CACNA1C: variants seen among roughly 807,000 people sequenced by gnomAD.
CACNA1C encodes voltage-dependent L-type calcium channel subunit alpha-1C.
In CACNA1C, 30 loss-of-function variants were observed where a neutral mutation model predicts 229.0. The observed-to-expected ratio is 0.13, with a 90% CI of 0.10 to 0.18. CACNA1C has a LOEUF of 0.18. Among genes scored for constraint, CACNA1C ranks in the 10% least tolerant of loss-of-function variants. CACNA1C has a pLI of 1.00. For synonymous variants in CACNA1C, 1,114 were observed against 1,132.5 expected (o/e 0.98, Z 0.33); for missense variants, 1,658 against 2,845.0 (o/e 0.58, Z 9.49).
At chr12:2,600,569 C>G (rs1226242900) in intron 21 of CACNA1C, among the ~76,000 whole-genome samples, 2 of 152,176 alleles carry the variant, frequency 1.3e-5, no homozygotes, top group African/African-American at 4.8e-5. Flanking sequence ...CTGTCACAGC[C>G]CTTATCCTGG....
At chr12:2,546,142 T>C (rs1461356816) in intron 9 of CACNA1C, among the ~76,000 whole-genome samples, 1 of 152,308 alleles carries the variant, frequency 6.6e-6, no homozygotes, top group East Asian at 1.9e-4. Flanking sequence ...CACTCTTCCG[T>C]GCAGTGGCTG....
chr12:2,130,524 A>G (rs1171848765), intron 3 of CACNA1C, among the ~76,000 whole-genome samples: 8 of 124,250 alleles, frequency 6.4e-5, no homozygotes, highest in African/African-American at 9.2e-5. Context: ...TCATTGTTCA[A>G]TTCCCACCTA....
chr12:2,456,573 T>G (rs192047171), intron 4 of CACNA1C, among the ~76,000 whole-genome samples: 137 of 152,210 alleles, frequency 9.0e-4, no homozygotes, highest in Middle Eastern at 3.4e-3. Flanking sequence ...ACCCTGCCCC[T>G]CCCTTGGGCC....
chr12:1,985,495 T>C (rs1195094318), intron 1 of CACNA1C, among the ~76,000 whole-genome samples: 1 of 152,216 alleles, frequency 6.6e-6, no homozygotes, highest in Non-Finnish European at 1.5e-5. Flanking sequence ...ATCTTTCCAT[T>C]CTTTTCAAGA....
intron 1 of CACNA1C, among the ~76,000 whole-genome samples, chr12:2,075,811 G>A (rs1328341655): frequency 1.3e-5 from 2 of 152,238 alleles, no homozygotes; most frequent in Non-Finnish European, 2.9e-5. Context: ...TCTCCTGGGA[G>A]CGGATGTGCC....
chr12:2,004,221 C>A, intron 1 of CACNA1C: 4 of 1,596,892 alleles, frequency 2.5e-6, no homozygotes, highest in Non-Finnish European at 3.4e-6. Flanking sequence ...AGTCCTGAGT[C>A]TGACGCCCCC....
chr12:2,611,319 C>G lies in CACNA1C; in HGVS notation c.3718-584C>G, dbSNP rs371687350. Among the ~76,000 whole-genome samples the G allele has an allele frequency of 6.1e-4, 56 of 91,998 alleles. 1 individual carries two copies. Among genetic ancestry groups the G allele is most frequent in the African/African-American group, 2.0e-3 (46 of 23,470 alleles). 60.4% of individuals were successfully genotyped at this position (91,998 alleles called of 152,430 possible). On this transcript the variant is annotated intron_variant, in intron 28 of 46. Coordinates refer to ENST00000399655, the MANE Select transcript of CACNA1C (RefSeq NM_000719.7). ...TGGAGAGAGGGGAGGAGATGGAGAA[C>G]GGAGGGATGAGCTGGATGTGTTCGT...
At chr12:2,299,007 G>A (rs184887234) in intron 3 of CACNA1C, among the ~76,000 whole-genome samples, 3 of 152,334 alleles carry the variant, frequency 2.0e-5, no homozygotes, top group Admixed American at 2.0e-4. Flanking sequence ...GAGGCTGAAC[G>A]GAGCTAGTGA....
chr12:2,393,522 C>G (rs1013415414), intron 3 of CACNA1C, among the ~76,000 whole-genome samples: 1 of 152,198 alleles, frequency 6.6e-6, no homozygotes, highest in Non-Finnish European at 1.5e-5. Flanking sequence ...AGCTTACCCC[C>G]ACTCCTTGCT....
chr12:2,387,484 C>T (rs971366531), intron 3 of CACNA1C, among the ~76,000 whole-genome samples: 19 of 149,314 alleles, frequency 1.3e-4, no homozygotes, highest in African/African-American at 4.7e-4. Context: ...GACTCCATCT[C>T]AAAAAGAAAG....
At chr12:2,441,301 C>G (rs1596352053) in intron 3 of CACNA1C, among the ~76,000 whole-genome samples, 1 of 152,156 alleles carries the variant, frequency 6.6e-6, no homozygotes, top group East Asian at 1.9e-4. Context: ...TGAGCATCCC[C>G]CAGCTCTACT....
intron 8 of CACNA1C, among the ~76,000 whole-genome samples, chr12:2,505,651 C>T (rs1479691650): frequency 2.0e-5 from 3 of 152,092 alleles, no homozygotes; most frequent in Admixed American, 6.5e-5. Context: ...GGCAACATAG[C>T]GAGACCCCAT....
At chr12:2,373,792 A>G (rs1309877779) in intron 3 of CACNA1C, among the ~76,000 whole-genome samples, 1 of 152,144 alleles carries the variant, frequency 6.6e-6, no homozygotes, top group Admixed American at 6.5e-5. Context: ...AAAAAAAGAT[A>G]TTTGCCACCC....
chr12:2,166,373 T>G (rs1311788562), intron 3 of CACNA1C, among the ~76,000 whole-genome samples: 1 of 152,234 alleles, frequency 6.6e-6, no homozygotes, highest in African/African-American at 2.4e-5. Context: ...TCAGGTTAAC[T>G]TTACATTGGC....
chr12:1,993,814 C>T (rs918640573), intron 1 of CACNA1C, among the ~76,000 whole-genome samples: 3 of 151,960 alleles, frequency 2.0e-5, no homozygotes, highest in Non-Finnish European at 2.9e-5. Flanking sequence ...TTAGAGTGTA[C>T]ATCACAATTA....
chr12:2,098,199 G>A (rs1399942353), intron 1 of CACNA1C, among the ~76,000 whole-genome samples: 1 of 152,314 alleles, frequency 6.6e-6, no homozygotes, highest in South Asian at 2.1e-4. Flanking sequence ...AGGAATGACA[G>A]CCTCAGGGGA....
intron 1 of CACNA1C, chr12:2,004,298 T>C (rs1401092613): frequency 1.2e-6 from 2 of 1,613,238 alleles, no homozygotes; most frequent in Middle Eastern, 3.3e-4. Flanking sequence ...GTTGGCCCGA[T>C]GGCCGAAGGT....
intron 1 of CACNA1C, among the ~76,000 whole-genome samples, chr12:2,056,101 A>C (rs1320526412): frequency 6.6e-6 from 1 of 151,980 alleles, no homozygotes; most frequent in Non-Finnish European, 1.5e-5. Context: ...GGGGCTGTGC[A>C]TTCCTCTCTT....
chr12:2,494,368 A>G (rs1449053592), intron 7 of CACNA1C, among the ~76,000 whole-genome samples: 1 of 152,220 alleles, frequency 6.6e-6, no homozygotes, highest in Non-Finnish European at 1.5e-5. Flanking sequence ...AACTCCAGAA[A>G]ATTTATTCTT....
Sources: allele counts gnomAD v4.1 joint callset (sites outside exome capture counted in the v4.1 genomes callset), GRCh38; gene constraint gnomAD v4.1.1; transcripts MANE v1.5; gene names NCBI Gene and HGNC (gene_info 2026-07-23, HGNC 2026-07-21).